SH3RF3: variants seen among roughly 807,000 people sequenced by gnomAD.
SH3RF3 encodes E3 ubiquitin-protein ligase SH3RF3.
Under a neutral mutation model 66.3 loss-of-function variants are expected in SH3RF3, and 29 were observed. The ratio of observed to expected loss-of-function variants is 0.44; its 90% CI spans 0.33 to 0.60. The LOEUF is 0.60. SH3RF3 is among the 20% of genes least tolerant of loss of function. SH3RF3 has a pLI of 0.04. For synonymous variants in SH3RF3, 583 were observed against 532.0 expected (o/e 1.10, Z -1.32); for missense variants, 1,194 against 1,190.9 (o/e 1.00, Z -0.04).
At chr2:109,148,640 C>T (rs1677153602) in intron 1 of SH3RF3, among the ~76,000 whole-genome samples, 2 of 152,162 alleles carry the variant, frequency 1.3e-5, no homozygotes, top group African/African-American at 4.8e-5. Context: ...CAGGCAGAAG[C>T]CACAGCGTTT....
intron 2 of SH3RF3, among the ~76,000 whole-genome samples, chr2:109,363,644 C>T (rs1001973914): frequency 6.6e-6 from 1 of 152,148 alleles, no homozygotes; most frequent in Non-Finnish European, 1.5e-5. Context: ...TCTTGCAAGG[C>T]ACATCTACTG....
intron 1 of SH3RF3, among the ~76,000 whole-genome samples, chr2:109,291,614 G>C (rs891798292): frequency 3.9e-5 from 6 of 152,230 alleles, no homozygotes; most frequent in Non-Finnish European, 8.8e-5. Flanking sequence ...AGCTCCTCGT[G>C]GTGGGGAAAT....
intron 1 of SH3RF3, among the ~76,000 whole-genome samples, chr2:109,318,533 G>C (rs952258566): frequency 6.6e-6 from 1 of 152,224 alleles, no homozygotes; most frequent in African/African-American, 2.4e-5. Flanking sequence ...AACGCTGTGA[G>C]AGAACTGTGG....
rs577551869 is a variant in SH3RF3 at position 109,503,150 on chromosome 2, T to G, written c.*1479T>G. 1 of 152,334 alleles carries G rather than the reference T, an allele frequency of 6.6e-6. No individual in the cohort carries two copies. The highest frequency in any genetic ancestry group is 2.1e-4 in the South Asian group (1 of 4,824). 9.4% of individuals were successfully genotyped at this position (152,334 alleles called of 1,614,324 possible). A position where few individuals can be genotyped will look rare whatever the true frequency, so the allele number is the denominator to read the frequency against. The stretch of plus-strand genomic sequence containing the variant: ...TCAGGGACAATTTTGTTCTCAAGAT[T>G]CACACCTTAGGAACACATTTTTATC... On this transcript the variant is annotated 3_prime_UTR_variant, in exon 10 of 10. Transcript: ENST00000309415.
At chr2:109,202,225 CAG>C (rs1678692490) in intron 1 of SH3RF3, among the ~76,000 whole-genome samples, 1 of 152,148 alleles carries the variant, frequency 6.6e-6, no homozygotes, top group Non-Finnish European at 1.5e-5. Flanking sequence ...CTGTGGACTG[CAG>C]AGTGAGGATG....
intron 8 of SH3RF3, among the ~76,000 whole-genome samples, chr2:109,454,389 A>G (rs998771007): frequency 1.3e-5 from 2 of 151,942 alleles, no homozygotes; most frequent in Non-Finnish European, 2.9e-5. Flanking sequence ...TCCTGTCTGG[A>G]TTGGGTGGTT....
rs116409561 is a variant in SH3RF3 at position 109,499,271 on chromosome 2, T to C, written c.2481-2232T>C. 5.1e-3 allele frequency among the ~76,000 whole-genome samples: 778 copies of C among 152,080 alleles called. 7 individuals carry two copies. Among genetic ancestry groups the C allele is most frequent in the African/African-American group, 0.018 (731 of 41,484 alleles). On this transcript the variant is annotated intron_variant, in intron 9 of 9. Coordinates refer to ENST00000309415, the MANE Select transcript of SH3RF3 (RefSeq NM_001099289.3). ...ACCCGGGCAGTCCAGTGCTGGTTAT[T>C]GAGTGCCTTCGCCCTGCCAGGCCCA...
At chr2:109,447,208 C>T (rs2104625828) in intron 7 of SH3RF3, among the ~76,000 whole-genome samples, 1 of 135,808 alleles carries the variant, frequency 7.4e-6, no homozygotes, top group East Asian at 2.2e-4. Flanking sequence ...AAAAAACCCA[C>T]ATAAATCAGC....
chr2:109,136,705 T>C (rs905025815), intron 1 of SH3RF3, among the ~76,000 whole-genome samples: 5 of 152,164 alleles, frequency 3.3e-5, no homozygotes, highest in African/African-American at 9.7e-5. Flanking sequence ...AACGAAGATA[T>C]GATGGTATTT....
intron 9 of SH3RF3, among the ~76,000 whole-genome samples, chr2:109,500,679 T>A (rs1243502334): frequency 6.6e-6 from 1 of 152,204 alleles, no homozygotes; most frequent in Non-Finnish European, 1.5e-5. Context: ...TTAGGCACGG[T>A]GGCTCATGCT....
intron 1 of SH3RF3, among the ~76,000 whole-genome samples, chr2:109,344,178 C>A (rs6731363): frequency 0.16 from 23,839 of 152,216 alleles, 1,969 homozygotes; most frequent in Middle Eastern, 0.23. Flanking sequence ...GTCCTGGGGT[C>A]ATCAGAGTGA....
At chr2:109,282,690 C>G (rs1680926101) in intron 1 of SH3RF3, among the ~76,000 whole-genome samples, 1 of 152,216 alleles carries the variant, frequency 6.6e-6, no homozygotes, top group Non-Finnish European at 1.5e-5. Flanking sequence ...GTGGGTCTGG[C>G]TGGTCATTTT....
intron 1 of SH3RF3, among the ~76,000 whole-genome samples, chr2:109,222,690 C>T (rs533272460): frequency 1.3e-5 from 2 of 152,356 alleles, no homozygotes; most frequent in East Asian, 3.9e-4. Context: ...CCTGTACCTC[C>T]TCCCTAAAAC....
At chr2:109,251,926 A>G (rs1476898633) in intron 1 of SH3RF3, among the ~76,000 whole-genome samples, 1 of 152,142 alleles carries the variant, frequency 6.6e-6, no homozygotes. Context: ...TTAAATCGGC[A>G]AAAGTACCCC....
intron 1 of SH3RF3, among the ~76,000 whole-genome samples, chr2:109,301,150 A>G (rs1166106243): frequency 6.6e-6 from 1 of 152,232 alleles, no homozygotes; most frequent in Non-Finnish European, 1.5e-5. Context: ...TGCAAGCCTT[A>G]GATTAGTCCA....
At chr2:109,161,255 GTGA>G (rs1018516510) in intron 1 of SH3RF3, among the ~76,000 whole-genome samples, 12 of 152,308 alleles carry the variant, frequency 7.9e-5, no homozygotes, top group African/African-American at 2.9e-4. Flanking sequence ...CGAGTATGCA[GTGA>G]TGAGTTGAGT....
intron 1 of SH3RF3, among the ~76,000 whole-genome samples, chr2:109,223,313 C>T (rs1410541114): frequency 6.6e-6 from 1 of 152,228 alleles, no homozygotes; most frequent in Non-Finnish European, 1.5e-5. Context: ...AGCAGCCTAC[C>T]TGGTGTGTTT....
intron 3 of SH3RF3, among the ~76,000 whole-genome samples, chr2:109,384,068 G>A (rs1458317084): frequency 1.3e-5 from 2 of 152,124 alleles, no homozygotes; most frequent in Admixed American, 1.3e-4. Context: ...CCACCCTTAG[G>A]TTTCTGTTGG....
chr2:109,247,318 T>C (rs1196588309), intron 1 of SH3RF3, among the ~76,000 whole-genome samples: 7 of 152,154 alleles, frequency 4.6e-5, no homozygotes, highest in African/African-American at 1.7e-4. Flanking sequence ...GAGCCCTTTA[T>C]CCAAATCTCT....
Sources: gnomAD v4.1 joint callset for allele counts (sites outside exome capture counted in the v4.1 genomes callset) on GRCh38, gnomAD v4.1.1 for gene constraint, MANE v1.5 for transcripts, NCBI Gene and HGNC (gene_info 2026-07-23, HGNC 2026-07-21) for gene names.